Variants in ZNF804A observed in about 807,000 individuals in gnomAD.
ZNF804A encodes zinc finger protein 804A.
In ZNF804A, 2 loss-of-function variants were observed where a neutral mutation model predicts 16.5. The observed-to-expected ratio is 0.12, with a 90% CI of 0.05 to 0.38. The LOEUF (loss-of-function observed/expected upper bound fraction) is 0.38, where lower values mean the gene tolerates loss of function less well. ZNF804A is among the 10% of genes least tolerant of loss of function. ZNF804A has a pLI of 0.99. For missense variants in ZNF804A, 1,473 were observed against 1,390.7 expected, an observed-to-expected ratio of 1.06 and a Z score of -0.94; for synonymous variants, 534 against 489.6, an observed-to-expected ratio of 1.09 and a Z score of -1.20.
intron 1 of ZNF804A, among the ~76,000 whole-genome samples, chr2:184,599,662 G>A (rs1002217311): frequency 2.0e-5 from 3 of 152,154 alleles, no homozygotes; most frequent in Non-Finnish European, 2.9e-5. Flanking sequence ...AAGTGGTGGC[G>A]GATATGTGTG....
At chr2:184,635,011 C>A (rs1010296415) in intron 1 of ZNF804A, among the ~76,000 whole-genome samples, 1 of 152,008 alleles carries the variant, frequency 6.6e-6, no homozygotes, top group Admixed American at 6.6e-5. Context: ...GAGATTGTAT[C>A]TTTCCTTGCA....
chr2:184,864,898 T>TTTTTTTTG (rs1695851665), intron 1 of ZNF804A, among the ~76,000 whole-genome samples: 1 of 148,826 alleles, frequency 6.7e-6, no homozygotes, highest in Non-Finnish European at 1.5e-5. Context: ...TTTTTTTTTT[T>TTTTTTTTG]GAGGCAGATT....
At chr2:184,769,695 G>C (rs1345118374) in intron 1 of ZNF804A, among the ~76,000 whole-genome samples, 1 of 152,030 alleles carries the variant, frequency 6.6e-6, no homozygotes, top group Non-Finnish European at 1.5e-5. Context: ...TGTGGCAGAG[G>C]AGAGCAAGGA....
At chr2:184,847,633 A>C (rs552324745) in intron 1 of ZNF804A, among the ~76,000 whole-genome samples, 2 of 152,126 alleles carry the variant, frequency 1.3e-5, no homozygotes, top group Admixed American at 1.3e-4. Flanking sequence ...TTTTTTCCTC[A>C]CACTAATTAA....
intron 1 of ZNF804A, among the ~76,000 whole-genome samples, chr2:184,638,936 A>G (rs1379022426): frequency 6.6e-6 from 1 of 152,010 alleles, no homozygotes; most frequent in Non-Finnish European, 1.5e-5. Flanking sequence ...ACATAATTCC[A>G]CTTTAAAGTC....
chr2:184,715,434 G>A (rs1177699492), intron 1 of ZNF804A, among the ~76,000 whole-genome samples: 2 of 152,124 alleles, frequency 1.3e-5, no homozygotes, highest in Middle Eastern at 3.2e-3. Context: ...ACCCAAGCTG[G>A]AGGGCAGCAG....
chr2:184,632,721 T>C (rs1431359543), intron 1 of ZNF804A, among the ~76,000 whole-genome samples: 1 of 152,224 alleles, frequency 6.6e-6, no homozygotes, highest in African/African-American at 2.4e-5. Flanking sequence ...ATGAAATGGC[T>C]TAACTATCTT....
intron 1 of ZNF804A, among the ~76,000 whole-genome samples, chr2:184,857,878 A>G (rs1458405182): frequency 5.3e-5 from 8 of 152,120 alleles, no homozygotes; most frequent in Non-Finnish European, 1.0e-4. Context: ...AAGGAAGCAC[A>G]TAGTTGGGTC....
At chr2:184,671,932 G>A (rs1404406869) in intron 1 of ZNF804A, among the ~76,000 whole-genome samples, 1 of 152,148 alleles carries the variant, frequency 6.6e-6, no homozygotes, top group Admixed American at 6.5e-5. Context: ...TTTGAGCAGG[G>A]GTAGAGTAAA....
At chr2:184,724,803 C>T (rs948284596) in intron 1 of ZNF804A, among the ~76,000 whole-genome samples, 6 of 151,590 alleles carry the variant, frequency 4.0e-5, no homozygotes, top group Admixed American at 6.6e-5. Flanking sequence ...CAAAAAAAGA[C>T]GTGAGAGTAT....
At chr2:184,620,423 A>G (rs1443172854) in intron 1 of ZNF804A, among the ~76,000 whole-genome samples, 1 of 151,866 alleles carries the variant, frequency 6.6e-6, no homozygotes, top group Non-Finnish European at 1.5e-5. Flanking sequence ...GTGAAAATAA[A>G]GTTGTGTTTT....
At chr2:184,745,976 G>T (rs998627614) in intron 1 of ZNF804A, among the ~76,000 whole-genome samples, 3 of 151,446 alleles carry the variant, frequency 2.0e-5, no homozygotes, top group Non-Finnish European at 4.4e-5. Context: ...TTAAATAAAA[G>T]TTTTGTTCCT....
rs3046266 is a variant in ZNF804A at position 184,937,484 on chromosome 2, C to CACA, written c.2090_2092dup (p.Thr697dup). On this transcript the variant is annotated inframe_insertion, in exon 4 of 4. Coordinates refer to ENST00000302277, the MANE Select transcript of ZNF804A (RefSeq NM_194250.2). ...GTTCTAAAAACCACTGTAAAAAGAA[C>CACA]ACAATACTTTTAAATGGACAATCAA... 915,529 of 1,603,270 alleles carry CACA rather than the reference C, an allele frequency of 0.57. 273,085 individuals carry two copies. The highest frequency in any genetic ancestry group is 0.84 in the East Asian group (37,709 of 44,744).
chr2:184,877,315 A>G (rs1163046700), intron 2 of ZNF804A, among the ~76,000 whole-genome samples: 1 of 152,090 alleles, frequency 6.6e-6, no homozygotes, highest in Non-Finnish European at 1.5e-5. Context: ...TATTTTAAAG[A>G]AATTGAGACA....
At chr2:184,885,672 G>T (rs1291763111) in intron 2 of ZNF804A, among the ~76,000 whole-genome samples, 1 of 152,154 alleles carries the variant, frequency 6.6e-6, no homozygotes, top group Non-Finnish European at 1.5e-5. Context: ...TCAGAATCAT[G>T]GCTGGAGGTG....
chr2:184,756,176 T>C (rs1382234962), intron 1 of ZNF804A, among the ~76,000 whole-genome samples: 1 of 150,998 alleles, frequency 6.6e-6, no homozygotes, highest in African/African-American at 2.5e-5. Context: ...TTATATTGTA[T>C]TTTTTTTCTT....
intron 1 of ZNF804A, among the ~76,000 whole-genome samples, chr2:184,693,306 C>A (rs1692763876): frequency 6.6e-6 from 1 of 151,886 alleles, no homozygotes; most frequent in South Asian, 2.1e-4. Flanking sequence ...ATTTAAAAAC[C>A]ATATATGGCA....
chr2:184,764,885 A>T (rs1341809181), intron 1 of ZNF804A, among the ~76,000 whole-genome samples: 1 of 152,170 alleles, frequency 6.6e-6, no homozygotes, highest in Admixed American at 6.6e-5. Flanking sequence ...ACAATCATTT[A>T]AAAAAATCTA....
intron 1 of ZNF804A, among the ~76,000 whole-genome samples, chr2:184,649,273 G>A (rs1373767735): frequency 6.6e-6 from 1 of 152,052 alleles, no homozygotes; most frequent in African/African-American, 2.4e-5. Context: ...GTGGGATGCA[G>A]CAAAAGCTGT....
Sources: gnomAD v4.1 joint callset for allele counts (sites outside exome capture counted in the v4.1 genomes callset) on GRCh38, gnomAD v4.1.1 for gene constraint, MANE v1.5 for transcripts, NCBI Gene and HGNC (gene_info 2026-07-23, HGNC 2026-07-21) for gene names.